Variants in NCOR1 observed in about 807,000 individuals in gnomAD.
The protein encoded by NCOR1 is nuclear receptor corepressor 1.
NCOR1 carries 63 observed loss-of-function variants against 288.1 expected under a neutral mutation model. The ratio of observed to expected loss-of-function variants is 0.22; its 90% CI spans 0.18 to 0.27. The LOEUF is 0.27. Ranked by LOEUF, NCOR1 falls within the 10% of genes least tolerant of loss-of-function variation. The pLI is 1.00. For synonymous variants in NCOR1, 1,007 were observed against 1,065.9 expected (o/e 0.94, Z 1.08); for missense variants, 2,397 against 3,019.2 (o/e 0.79, Z 4.83).
intron 44 of NCOR1, among the ~76,000 whole-genome samples, chr17:16,036,224 TA>T (rs1458626225): frequency 6.6e-6 from 1 of 152,228 alleles, no homozygotes; most frequent in Non-Finnish European, 1.5e-5. Flanking sequence ...CTTGGGTGAC[TA>T]AGTGGATTGT....
intron 3 of NCOR1, among the ~76,000 whole-genome samples, chr17:16,181,213 G>GTATGTATGTA (rs370956442): frequency 0.035 from 4,305 of 121,848 alleles, 75 homozygotes; most frequent in South Asian, 0.06. Flanking sequence ...ATATATGTAT[G>GTATGTATGTA]TGTGTGTGTG....
At chr17:16,071,239 A>G (rs925269473) in intron 30 of NCOR1, among the ~76,000 whole-genome samples, 170 bp downstream of exon 30, 4 of 151,522 alleles carry the variant, frequency 2.6e-5, no homozygotes, top group African/African-American at 9.7e-5. Context: ...GTGATCACAC[A>G]CCGCACTCCA....
intron 44 of NCOR1, among the ~76,000 whole-genome samples, chr17:16,037,443 T>TTTTTTTAAAATACC (rs2056642227): frequency 6.6e-6 from 1 of 152,046 alleles, no homozygotes; most frequent in South Asian, 2.1e-4. Context: ...CGAGGTATGC[T>TTTTTTTAAAATACC]TGCATTTAAA....
At chr17:16,204,588 G>C (rs1285437112) in intron 1 of NCOR1, among the ~76,000 whole-genome samples, 1 of 152,118 alleles carries the variant, frequency 6.6e-6, no homozygotes, top group Non-Finnish European at 1.5e-5. Context: ...AAGACACATA[G>C]AGGCATATAA....
Position 16,034,737 on chromosome 17 carries a change from A to G in NCOR1, c.7135+28T>C, listed in dbSNP as rs750369915. 1.3e-5 allele frequency: 20 copies of G among 1,569,762 alleles called. No individual in the cohort carries two copies. The East Asian group carries it at 4.0e-4, about 32-fold the overall frequency. ...GACATTGATATTATTGCTCTGTCTCATTTTCTAAGTTAAAGCAGAATCCTT... is the reference window on the plus strand; with the variant it reads ...GACATTGATATTATTGCTCTGTCTCGTTTTCTAAGTTAAAGCAGAATCCTT... On this transcript the variant is annotated intron_variant, in intron 45 of 45. Transcript: ENST00000268712.
chr17:16,162,911 A>G (rs1408597262), intron 5 of NCOR1, among the ~76,000 whole-genome samples: 4 of 152,148 alleles, frequency 2.6e-5, no homozygotes, highest in Admixed American at 6.5e-5. Context: ...TGGATTAAGA[A>G]TAAGATGAGA....
In NCOR1 at chr17:16,176,605, T is replaced by C. The variant is rs953453143; in HGVS notation, c.243-4610A>G. ...TAGATGCTATAATTGCTCAGTGCTT[T>C]CATGTCTAAGAAAATCTGCCTGTTG... On this transcript the variant is annotated intron_variant, in intron 3 of 45. Coordinates refer to ENST00000268712, the MANE Select transcript of NCOR1 (RefSeq NM_006311.4). Among the ~76,000 whole-genome samples, 4 of 150,662 alleles carry C rather than the reference T, an allele frequency of 2.7e-5. 1 individual carries two copies. The highest frequency in any genetic ancestry group is 5.9e-5 in the Non-Finnish European group (4 of 68,018).
intron 40 of NCOR1, chr17:16,057,272 T>C: frequency 2.0e-6 from 1 of 493,444 alleles, no homozygotes; most frequent in Non-Finnish European, 3.6e-6. Context: ...TTAACTGTCT[T>C]TACAAACCAA....
intron 40 of NCOR1, among the ~76,000 whole-genome samples, chr17:16,050,225 A>ATT (rs200783067): frequency 4.3e-5 from 6 of 140,046 alleles, no homozygotes; most frequent in African/African-American, 1.6e-4. Flanking sequence ...CACACCCTCA[A>ATT]TTTTTTTTTT....
intron 19 of NCOR1, among the ~76,000 whole-genome samples, chr17:16,102,209 T>G (rs1340924643): frequency 2.6e-5 from 4 of 152,212 alleles, no homozygotes; most frequent in Non-Finnish European, 4.4e-5. Flanking sequence ...TAATCACATC[T>G]GTAATTTTAA....
chr17:16,086,376 C>G lies in NCOR1; in HGVS notation c.3083G>C (p.Arg1028Pro), dbSNP rs1199892166. ...LPEGVRLPTTRPTRPPPPLIP... is the reference protein window; with the variant it reads ...LPEGVRLPTTPPTRPPPPLIP... ...GAGAGGGGGCGGTGGCCTGGTTGGT[C>G]GAGTTGTCGGAAGCCGAACGCCTTC... is the stretch of plus-strand genomic sequence containing the variant. The change falls in exon 23 of 46, where the codon CGA (arginine) becomes CCA (proline). Residue 1028 changes from arginine (R) to proline (P), a missense_variant. Physicochemically the swap from Arg to Pro is moderately radical, Grantham distance 103. Transcript: ENST00000268712. 1.2e-6 allele frequency: 2 copies of G among 1,613,988 alleles called. No individual in the cohort carries two copies. Among genetic ancestry groups the G allele is most frequent in the South Asian group, 1.1e-5 (1 of 91,064 alleles).
chr17:16,164,196 G>A lies in NCOR1; in HGVS notation c.618+783C>T, dbSNP rs148561824. ...ACAGAGGTTGCAGTGAGCCAAGATC[G>A]CACCACTGCACTCCAGCCTCGGTGA... On this transcript the variant is annotated intron_variant, in intron 5 of 45. Transcript: ENST00000268712. 4.0e-5 allele frequency among the ~76,000 whole-genome samples: 6 copies of A among 149,968 alleles called. No individual in the cohort carries two copies. In the East Asian group the frequency reaches 1.2e-3, roughly 29 times the overall value.
intron 5 of NCOR1, among the ~76,000 whole-genome samples, chr17:16,160,179 T>C (rs1355083616): frequency 1.3e-5 from 2 of 152,028 alleles, no homozygotes; most frequent in Admixed American, 6.5e-5. Flanking sequence ...ATAAATAAGG[T>C]AGGGATAATA....
At chr17:16,044,680 G>A (rs2058362990) in intron 42 of NCOR1, 3 of 671,594 alleles carry the variant, frequency 4.5e-6, no homozygotes, top group Non-Finnish European at 8.5e-6. Context: ...ATGACAATGA[G>A]GTGACCATCA....
intron 26 of NCOR1, among the ~76,000 whole-genome samples, chr17:16,077,358 C>T (rs1012976440): frequency 4.0e-5 from 6 of 150,364 alleles, no homozygotes; most frequent in Non-Finnish European, 8.8e-5. Flanking sequence ...GATGGCACCA[C>T]TGCACTCCAT....
chr17:16,163,340 T>G (rs185236947), intron 5 of NCOR1, among the ~76,000 whole-genome samples: 2,467 of 152,248 alleles, frequency 0.016, 60 homozygotes, highest in African/African-American at 0.056. Flanking sequence ...CCGAATTAAA[T>G]AATGAGCAAA....
Position 16,117,746 on chromosome 17 carries a change from C to T in NCOR1, c.2055+142G>A, listed in dbSNP as rs114876162. ...GCTGAGGCAGGAAATTGCTTGAATC[C>T]GGGAGGAAGAGTTTGCAGTGAGCCA... is the stretch of plus-strand genomic sequence containing the variant. On this transcript the variant is annotated intron_variant, in intron 18 of 45. Transcript: ENST00000268712. The T allele has an allele frequency of 2.6e-3, 2,191 of 858,392 alleles. 41 individuals carry two copies. The African/African-American group carries it at 0.034, about 13-fold the overall frequency. 53.2% of individuals were successfully genotyped at this position (858,392 alleles called of 1,614,324 possible).
At chr17:16,209,834 C>T (rs2091948331) in intron 1 of NCOR1, among the ~76,000 whole-genome samples, 1 of 152,026 alleles carries the variant, frequency 6.6e-6, no homozygotes, top group Non-Finnish European at 1.5e-5. Context: ...TGCCTGTAAT[C>T]CCAGCTACTT....
intron 10 of NCOR1, among the ~76,000 whole-genome samples, chr17:16,145,868 G>A (rs1194230091): frequency 2.0e-5 from 3 of 152,228 alleles, no homozygotes; most frequent in Non-Finnish European, 4.4e-5. Flanking sequence ...GGGGAAATGT[G>A]GCGAGAGTAG....
Sources: allele counts gnomAD v4.1 joint callset (sites outside exome capture counted in the v4.1 genomes callset), GRCh38; gene constraint gnomAD v4.1.1; transcripts MANE v1.5; gene names NCBI Gene and HGNC (gene_info 2026-07-23, HGNC 2026-07-21).